DCLRE1C: variants seen among roughly 807,000 people sequenced by gnomAD.
The protein encoded by DCLRE1C is DNA cross-link repair 1C, also known as protein artemis.
A neutral mutation model predicts 61.4 loss-of-function variants in DCLRE1C; 47 were observed. The ratio of observed to expected loss-of-function variants is 0.77; its 90% CI spans 0.61 to 0.98. The LOEUF (loss-of-function observed/expected upper bound fraction) is 0.98, where lower values mean the gene tolerates loss of function less well. DCLRE1C is among the 50% of genes least tolerant of loss of function. DCLRE1C has a pLI of 0.00. For missense variants in DCLRE1C, 858 were observed against 816.0 expected, an observed-to-expected ratio of 1.05 and a Z score of -0.63; for synonymous variants, 337 against 287.6, an observed-to-expected ratio of 1.17 and a Z score of -1.74.
intron 1 of DCLRE1C, among the ~76,000 whole-genome samples, 193 bp downstream of exon 1, chr10:14,953,709 G>T (rs1437853971): frequency 6.6e-6 from 1 of 152,196 alleles, no homozygotes; most frequent in Admixed American, 6.5e-5. Context: ...GCGCCGTTAC[G>T]CCGCGTTGAC....
rs560095336 is a variant in DCLRE1C, at chr10:14,930,010, T to C, written c.781-1858A>G. 2.7e-3 allele frequency among the ~76,000 whole-genome samples: 416 copies of C among 152,348 alleles called. 1 individual carries two copies. The highest frequency in any genetic ancestry group is 9.4e-3 in the African/African-American group (390 of 41,578). ...TTACTAACTAAGCTACTTTGTGGGA[T>C]GTGAGAAAATTCACAGCAAAAAGAA... On this transcript the variant is annotated intron_variant, in intron 9 of 13. Transcript: ENST00000378278.
intron 1 of DCLRE1C, 117 bp from the exon 2 acceptor site, chr10:14,949,204 T>C (rs1190267934): frequency 1.4e-6 from 1 of 728,902 alleles, no homozygotes; most frequent in African/African-American, 1.8e-5. Context: ...TTTGCTTTTA[T>C]AAGAATTGAT....
intron 13 of DCLRE1C, among the ~76,000 whole-genome samples, chr10:14,913,162 G>A (rs768848848): frequency 6.6e-6 from 1 of 152,248 alleles, no homozygotes; most frequent in East Asian, 1.9e-4. Flanking sequence ...GGCCATATGA[G>A]TTCTCTTATA....
At chr10:14,946,063 G>A (rs937137333) in intron 2 of DCLRE1C, among the ~76,000 whole-genome samples, 7 of 149,508 alleles carry the variant, frequency 4.7e-5, no homozygotes, top group Non-Finnish European at 1.0e-4. Flanking sequence ...GCTGGAGTGC[G>A]GTGGCGCGAT....
Position 14,917,926 on chromosome 10 carries a change from A to G in DCLRE1C, c.1156+1812T>C, listed in dbSNP as rs11816556. ...ACATTAAAAGATGCACAACCTTGCTAGTCATTAGAGAAATGCAAATTAAAA... is the reference window on the plus strand; with the variant it reads ...ACATTAAAAGATGCACAACCTTGCTGGTCATTAGAGAAATGCAAATTAAAA... On this transcript the variant is annotated intron_variant, in intron 13 of 13. Transcript: ENST00000378278. Among the ~76,000 whole-genome samples the G allele has an allele frequency of 2.7e-3, 409 of 152,352 alleles. 3 individuals carry two copies. The highest frequency in any genetic ancestry group is 9.2e-3 in the African/African-American group (382 of 41,594).
chr10:14,920,347 A>T, intron 12 of DCLRE1C: 1 of 1,022,886 alleles, frequency 9.8e-7, no homozygotes, highest in Non-Finnish European at 1.2e-6. Flanking sequence ...AAAATACAAA[A>T]AGGCAGAGAA....
chr10:14,929,632 ACT>A (rs1838644095), intron 9 of DCLRE1C, among the ~76,000 whole-genome samples: 1 of 152,118 alleles, frequency 6.6e-6, no homozygotes, highest in South Asian at 2.1e-4. Context: ...ACAGAGCAAG[ACT>A]CTATAAAATA....
At chr10:14,920,071 TA>T (rs1202099258) in intron 12 of DCLRE1C, among the ~76,000 whole-genome samples, 2 of 152,174 alleles carry the variant, frequency 1.3e-5, no homozygotes, top group Non-Finnish European at 2.9e-5. Context: ...TATAAGCAAT[TA>T]AATGCAACCC....
At chr10:14,931,971 T>C (rs1044874392) in intron 9 of DCLRE1C, among the ~76,000 whole-genome samples, 2 of 151,100 alleles carry the variant, frequency 1.3e-5, no homozygotes, top group African/African-American at 4.9e-5. Context: ...GAGGCAGAGG[T>C]TGCAGTGAGC....
intron 13 of DCLRE1C, among the ~76,000 whole-genome samples, chr10:14,910,091 A>ATAATCCACTTAAATGATGT (rs1588901629): frequency 6.6e-6 from 1 of 152,176 alleles, no homozygotes; most frequent in Non-Finnish European, 1.5e-5. Flanking sequence ...TGGTGTTATA[A>ATAATCCACTTAAATGATGT]TAATCCACTT....
At chr10:14,937,223 A>C (rs1202682467) in intron 4 of DCLRE1C, among the ~76,000 whole-genome samples, 1 of 148,802 alleles carries the variant, frequency 6.7e-6, no homozygotes, top group Admixed American at 6.7e-5. Flanking sequence ...TCTGAAATTG[A>C]TTGTGGTGAT....
chr10:14,920,118 A>C (rs11818131), intron 12 of DCLRE1C, among the ~76,000 whole-genome samples: 2 of 152,180 alleles, frequency 1.3e-5, no homozygotes, highest in Non-Finnish European at 2.9e-5. Context: ...TCAGTAGACT[A>C]AGGTAAAACT....
At chr10:14,937,893 CAAAAAAAAA>C (rs749452841) in intron 4 of DCLRE1C, among the ~76,000 whole-genome samples, 2 of 40,638 alleles carry the variant, frequency 4.9e-5, no homozygotes, top group Admixed American at 2.3e-4. Context: ...GGCTCAGTCT[CAAAAAAAAA>C]AAAAAAAAAA....
chr10:14,933,764 C>A (rs1839415562), intron 8 of DCLRE1C, among the ~76,000 whole-genome samples: 1 of 152,212 alleles, frequency 6.6e-6, no homozygotes, highest in Non-Finnish European at 1.5e-5. Flanking sequence ...TGGTCACAAT[C>A]ACTAAATTTA....
intron 9 of DCLRE1C, among the ~76,000 whole-genome samples, chr10:14,932,231 A>G (rs1388847356): frequency 2.0e-5 from 3 of 152,148 alleles, no homozygotes; most frequent in Non-Finnish European, 4.4e-5. Flanking sequence ...CGAAATATAT[A>G]AATACATATA....
intron 2 of DCLRE1C, among the ~76,000 whole-genome samples, chr10:14,946,538 T>TG (rs1841719907): frequency 6.6e-6 from 1 of 152,178 alleles, no homozygotes; most frequent in Non-Finnish European, 1.5e-5. Context: ...TGGAAGTAAT[T>TG]GCATGGCTTT....
rs776339206 is a variant in DCLRE1C, at chr10:14,954,036, A to G, written c.-26T>C. The G allele has an allele frequency of 6.2e-7, 1 of 1,613,510 alleles. No homozygotes were observed. Among genetic ancestry groups the G allele is most frequent in the South Asian group, 1.1e-5 (1 of 91,084 alleles). On this transcript the variant is annotated 5_prime_UTR_variant, in exon 1 of 14. Coordinates refer to ENST00000378278, the MANE Select transcript of DCLRE1C (RefSeq NM_001033855.3). ...AGCGCCGCCGATCCCAGAGTCCGGG[A>G]CCCCAAAACCGCAGCTGAAGCCAAG...
rs764277946 is a variant in DCLRE1C at position 14,934,726 on chromosome 10, T to C, written c.514A>G (p.Arg172Gly). The C allele has an allele frequency of 8.1e-6, 13 of 1,613,980 alleles. No individual in the cohort carries two copies. Among genetic ancestry groups the C allele is most frequent in the Non-Finnish European group, 1.1e-5 (13 of 1,179,968 alleles). ...VYLDTTFCDP[R>G]FYQIPSREEC... ...ACCCGACTTGGAATTTGGTAAAATC[T>C]TGGATCACAGAACGTAGTATCCAAA... The change falls in exon 7 of 14, where the codon AGA becomes GGA. Residue 172 changes from arginine to glycine, a missense_variant. Arg to Gly is a moderately radical substitution (Grantham distance 125). Coordinates refer to ENST00000378278, the MANE Select transcript of DCLRE1C (RefSeq NM_001033855.3).
At chr10:14,933,988 G>C (rs1372869683) in intron 8 of DCLRE1C, among the ~76,000 whole-genome samples, 2 of 152,096 alleles carry the variant, frequency 1.3e-5, no homozygotes, top group East Asian at 3.9e-4. Flanking sequence ...TAGCAGGCGA[G>C]GAGGGGGAGG....
Sources: allele counts gnomAD v4.1 joint callset (sites outside exome capture counted in the v4.1 genomes callset), GRCh38; gene constraint gnomAD v4.1.1; transcripts MANE v1.5; gene names NCBI Gene and HGNC (gene_info 2026-07-23, HGNC 2026-07-21).